Variants in TTC3 observed in about 807,000 individuals in gnomAD.
The protein encoded by TTC3 is tetratricopeptide repeat domain 3.
In TTC3, 180 loss-of-function variants were observed where a neutral mutation model predicts 249.6. The ratio of observed to expected loss-of-function variants is 0.72; its 90% CI spans 0.64 to 0.82. The LOEUF is 0.82. Ranked by LOEUF, TTC3 falls within the 40% of genes least tolerant of loss-of-function variation. The probability of loss-of-function intolerance (pLI) is 0.00; values close to 1 mark genes in which losing one functional copy is unlikely to be tolerated. For synonymous variants in TTC3, 717 were observed against 805.0 expected (o/e 0.89, Z 1.85); for missense variants, 2,061 against 2,398.4 (o/e 0.86, Z 2.94).
chr21:37,092,188 T>C (rs1341501476), intron 7 of TTC3, among the ~76,000 whole-genome samples: 1 of 152,244 alleles, frequency 6.6e-6, no homozygotes, highest in Non-Finnish European at 1.5e-5. Flanking sequence ...ATAGTATAGT[T>C]ATAGGAATCT....
rs999392447 is a variant in TTC3, at chr21:37,163,971, A to G, written c.3171-80A>G. On this transcript the variant is annotated intron_variant, in intron 31 of 45. Coordinates refer to ENST00000355666, the Ensembl canonical transcript of TTC3. ...TATTGCCATTATTGTGTTTATTTCAATTAGACATTCTTCTGGTTAAATAAT... is the reference window on the plus strand; with the variant it reads ...TATTGCCATTATTGTGTTTATTTCAGTTAGACATTCTTCTGGTTAAATAAT... 6.3e-5 allele frequency: 92 copies of G among 1,469,592 alleles called. 1 individual carries two copies. The Middle Eastern group carries it at 4.6e-3, about 73-fold the overall frequency. 91.0% of individuals were successfully genotyped at this position (1,469,592 alleles called of 1,614,324 possible).
rs60575476 is a variant in TTC3 at position 37,157,022 on chromosome 21, C to T, written c.2992+116C>T. 1.3e-3 allele frequency: 1,827 copies of T among 1,407,614 alleles called. 19 individuals are homozygous for T. In the African/African-American group the frequency reaches 0.023, roughly 18 times the overall value. The allele number at this position is 1,407,614 out of a possible 1,614,324, so 87.2% of individuals were successfully genotyped here. ...GAAAATAGTGAAAATTATTATGGTA[C>T]AATCAGTTTATGTGGGGAAGTTAGT... On this transcript the variant is annotated intron_variant, in intron 28 of 45. Coordinates refer to ENST00000355666, the Ensembl canonical transcript of TTC3.
At chr21:37,100,015 A>G (rs112734075) in intron 10 of TTC3, among the ~76,000 whole-genome samples, 4 of 152,374 alleles carry the variant, frequency 2.6e-5, no homozygotes, top group African/African-American at 9.6e-5. Context: ...GCCATTTATT[A>G]ATGTTTAAAA....
intron 11 of TTC3, among the ~76,000 whole-genome samples, chr21:37,108,750 A>C (rs2075324974): frequency 6.6e-6 from 1 of 152,092 alleles, no homozygotes; most frequent in South Asian, 2.1e-4. Flanking sequence ...AAAACTGGGG[A>C]GGAAGTATAG....
intron 10 of TTC3, chr21:37,099,174 A>G (rs1745402929): frequency 6.6e-6 from 1 of 152,204 alleles, no homozygotes. Context: ...ATATAAGTTG[A>G]AACTTTAAAT....
chr21:37,080,476 T>G (rs2071484368), intron 1 of TTC3, among the ~76,000 whole-genome samples: 1 of 152,196 alleles, frequency 6.6e-6, no homozygotes, highest in Non-Finnish European at 1.5e-5. Flanking sequence ...AAGTGTCTAT[T>G]AGGTAAAGCT....
intron 18 of TTC3, among the ~76,000 whole-genome samples, chr21:37,136,928 C>T (rs1466630779): frequency 1.3e-5 from 2 of 152,144 alleles, no homozygotes; most frequent in Non-Finnish European, 2.9e-5. Flanking sequence ...TCCAAAAATC[C>T]TCAGGCCCTT....
intron 1 of TTC3, among the ~76,000 whole-genome samples, chr21:37,075,239 GTTCA>G (rs2146842988): frequency 6.7e-6 from 1 of 149,564 alleles, no homozygotes; most frequent in South Asian, 2.1e-4. Flanking sequence ...GTTATCTTTG[GTTCA>G]TTCATTTTAA....
intron 1 of TTC3, among the ~76,000 whole-genome samples, chr21:37,077,141 A>G (rs933570652): frequency 3.3e-5 from 5 of 151,746 alleles, no homozygotes; most frequent in Non-Finnish European, 5.9e-5. Context: ...TTGGCCAACC[A>G]TATGCTGGTA....
At chr21:37,125,529 T>C (rs2076980156) in intron 14 of TTC3, among the ~76,000 whole-genome samples, 2 of 152,342 alleles carry the variant, frequency 1.3e-5, no homozygotes, top group South Asian at 4.1e-4. Flanking sequence ...GATTGTAAAC[T>C]GAGAACGGGA....
chr21:37,106,235 CT>C (rs1158333233), intron 10 of TTC3, among the ~76,000 whole-genome samples: 2 of 152,052 alleles, frequency 1.3e-5, no homozygotes, highest in Non-Finnish European at 2.9e-5. Flanking sequence ...CTGTTGAAGT[CT>C]TTTGCTATTT....
chr21:37,192,315 G>C (rs902519060), intron 41 of TTC3, 102 bp downstream of exon 41: 8 of 701,612 alleles, frequency 1.1e-5, no homozygotes, highest in Non-Finnish European at 1.8e-5. Context: ...GGATGAGATT[G>C]GTTAATAATT....
intron 11 of TTC3, chr21:37,121,412 GGA>G: frequency 6.4e-6 from 1 of 156,806 alleles, no homozygotes; most frequent in South Asian, 1.9e-4. Context: ...TCCAGGTGTA[GGA>G]AAGGCGATGA....
intron 35 of TTC3, among the ~76,000 whole-genome samples, chr21:37,177,359 A>G (rs1383053216): frequency 1.3e-5 from 2 of 152,174 alleles, no homozygotes; most frequent in Non-Finnish European, 2.9e-5. Context: ...GGGCTGGGGA[A>G]GATAGACTTT....
chr21:37,073,314 C>CA (rs1483202977), exon 1 of TTC3: 10 of 512,250 alleles, frequency 2.0e-5, no homozygotes, highest in Non-Finnish European at 2.2e-5. Context: ...GCGGCGGCGG[C>CA]GGCTGCTGCT....
chr21:37,197,190 A>T (rs1335457680), intron 42 of TTC3, among the ~76,000 whole-genome samples: 1 of 152,198 alleles, frequency 6.6e-6, no homozygotes, highest in Non-Finnish European at 1.5e-5. Flanking sequence ...GCCAGCAGGC[A>T]TGGTGGCTCA....
chr21:37,081,533 T>C (rs2071660456), intron 1 of TTC3: 1 of 152,236 alleles, frequency 6.6e-6, no homozygotes, highest in Admixed American at 6.5e-5. Context: ...TATCCTATTT[T>C]GGATGCATGT....
rs1555876993 is a variant in TTC3, at chr21:37,117,848, A to AAAAAAAAAAAG, written c.901-3964_901-3963insAAAAAGAAAAA. On this transcript the variant is annotated intron_variant, in intron 11 of 45. Coordinates refer to ENST00000355666, the Ensembl canonical transcript of TTC3. ...ATTGCGCCACTTCAAAAAAAAAAAA[A>AAAAAAAAAAAG]AAAAAGAAAAAAGAAAAAAACTTTA... is the stretch of plus-strand genomic sequence containing the variant. Among the ~76,000 whole-genome samples, 149 of 150,712 alleles carry AAAAAAAAAAAG rather than the reference A, an allele frequency of 9.9e-4. 2 individuals are homozygous for AAAAAAAAAAAG. The highest frequency in any genetic ancestry group is 3.4e-3 in the African/African-American group (139 of 41,036).
At chr21:37,077,592 C>T (rs2071077147) in intron 1 of TTC3, among the ~76,000 whole-genome samples, 1 of 152,172 alleles carries the variant, frequency 6.6e-6, no homozygotes, top group South Asian at 2.1e-4. Context: ...ACAACCTCTC[C>T]AACACTTGTT....
Sources: allele counts gnomAD v4.1 joint callset (sites outside exome capture counted in the v4.1 genomes callset), GRCh38; gene constraint gnomAD v4.1.1; transcripts MANE v1.5; gene names NCBI Gene and HGNC (gene_info 2026-07-23, HGNC 2026-07-21).